The following GANC variants were observed in gnomAD, a reference collection of about 807,000 sequenced individuals.
GANC encodes neutral alpha-glucosidase C.
In GANC, 117 loss-of-function variants were observed where a neutral mutation model predicts 124.2. The ratio of observed to expected loss-of-function variants is 0.94; its 90% CI spans 0.81 to 1.10. The LOEUF is 1.10. Among genes scored for constraint, GANC ranks in the 50% least tolerant of loss-of-function variants. The probability of loss-of-function intolerance (pLI) is 0.00; values close to 1 mark genes in which losing one functional copy is unlikely to be tolerated. For missense variants in GANC, 1,140 were observed against 1,095.0 expected, an observed-to-expected ratio of 1.04 and a Z score of -0.58; for synonymous variants, 377 against 376.8, an observed-to-expected ratio of 1.00 and a Z score of -0.01.
At chr15:42,318,763 A>G (rs1009271383) in intron 10 of GANC, among the ~76,000 whole-genome samples, 6 of 151,942 alleles carry the variant, frequency 3.9e-5, no homozygotes, top group Non-Finnish European at 5.9e-5. Flanking sequence ...TAATTTTTTC[A>G]TTTTTTATAT....
intron 7 of GANC, 39 bp from the exon 8 acceptor site, chr15:42,308,183 T>G (rs772185652): frequency 7.5e-7 from 1 of 1,329,304 alleles, no homozygotes; most frequent in South Asian, 1.3e-5. Flanking sequence ...AAGTGAGTGT[T>G]CTTTTCAGAA....
At chr15:42,292,294 A>G (rs1003797569) in intron 4 of GANC, among the ~76,000 whole-genome samples, 2 of 152,122 alleles carry the variant, frequency 1.3e-5, no homozygotes, top group Non-Finnish European at 2.9e-5. Flanking sequence ...GTTAGATTTT[A>G]CACACCAAAA....
intron 15 of GANC, 36 bp downstream of exon 15, chr15:42,330,708 T>G (rs2052237008): frequency 7.0e-7 from 1 of 1,428,194 alleles, no homozygotes; most frequent in Non-Finnish European, 9.7e-7. Flanking sequence ...AAAAACACAT[T>G]AGCAACTTTT....
chr15:42,284,786 G>A (rs2051770945), intron 3 of GANC, among the ~76,000 whole-genome samples: 1 of 152,156 alleles, frequency 6.6e-6, no homozygotes, highest in African/African-American at 2.4e-5. Flanking sequence ...GGGGCTATAT[G>A]CATGTACCAC....
At chr15:42,307,933 TTA>T (rs1393485248) in intron 7 of GANC, among the ~76,000 whole-genome samples, 1 of 152,198 alleles carries the variant, frequency 6.6e-6, no homozygotes, top group East Asian at 1.9e-4. Context: ...TAATGATGTT[TTA>T]TATAGAGACG....
At chr15:42,295,905 G>A (rs2051887391) in intron 5 of GANC, among the ~76,000 whole-genome samples, 1 of 152,124 alleles carries the variant, frequency 6.6e-6, no homozygotes, top group South Asian at 2.1e-4. Context: ...ACTTTGGGAG[G>A]CTGAGGCAGG....
At chr15:42,278,411 T>G (rs1299915707) in intron 2 of GANC, 71 bp from the exon 3 acceptor site, 3 of 1,027,766 alleles carry the variant, frequency 2.9e-6, no homozygotes, top group Non-Finnish European at 4.4e-6. Flanking sequence ...GACTTCCACA[T>G]GATAATATAG....
At chr15:42,297,945 C>A (rs2051907553) in intron 6 of GANC, among the ~76,000 whole-genome samples, 1 of 152,036 alleles carries the variant, frequency 6.6e-6, no homozygotes, top group Non-Finnish European at 1.5e-5. Context: ...AAAACAAATC[C>A]CAAACATGTT....
At chr15:42,323,202 A>G (rs1209244642) in intron 11 of GANC, among the ~76,000 whole-genome samples, 1 of 152,236 alleles carries the variant, frequency 6.6e-6, no homozygotes, top group African/African-American at 2.4e-5. Flanking sequence ...AATAAATAGC[A>G]TGGCAAGAAT....
intron 23 of GANC, 81 bp downstream of exon 23, chr15:42,351,513 G>C: frequency 1.0e-6 from 1 of 984,240 alleles, no homozygotes; most frequent in South Asian, 1.3e-5. Flanking sequence ...GTCCCCAAAC[G>C]GAGATAATAT....
At chr15:42,343,226 A>G in intron 19 of GANC, 72 bp downstream of exon 19, 8 of 1,334,090 alleles carry the variant, frequency 6.0e-6, no homozygotes, top group Non-Finnish European at 8.6e-6. Flanking sequence ...TAGGAAAGAG[A>G]TTTCTTCATC....
At chr15:42,344,326 G>A (rs2052347924) in intron 19 of GANC, among the ~76,000 whole-genome samples, 1 of 152,176 alleles carries the variant, frequency 6.6e-6, no homozygotes, top group African/African-American at 2.4e-5. Context: ...TCTGGAGGTT[G>A]CCAGCAACCC....
At chr15:42,302,729 C>A (rs1189042835) in intron 6 of GANC, among the ~76,000 whole-genome samples, 1 of 151,842 alleles carries the variant, frequency 6.6e-6, no homozygotes, top group African/African-American at 2.4e-5. Flanking sequence ...AGTAGCCAAA[C>A]TGATCAAGTG....
chr15:42,335,414 A>G (rs1303000792), intron 15 of GANC, among the ~76,000 whole-genome samples: 2 of 152,230 alleles, frequency 1.3e-5, no homozygotes, highest in Non-Finnish European at 2.9e-5. Flanking sequence ...AAAATTCAGC[A>G]TCCCTTCTTG....
intron 3 of GANC, chr15:42,283,891 G>A (rs1353663557): frequency 1.4e-6 from 1 of 702,634 alleles, no homozygotes; most frequent in South Asian, 1.5e-5. Flanking sequence ...TTGGGGAACA[G>A]GCCAGTGCCC....
chr15:42,302,743 G>A (rs2051958466), intron 6 of GANC, among the ~76,000 whole-genome samples: 1 of 152,032 alleles, frequency 6.6e-6, no homozygotes, highest in Non-Finnish European at 1.5e-5. Context: ...TCAAGTGGAA[G>A]AAAGGATATC....
chr15:42,292,685 C>A lies in GANC; in HGVS notation c.330-50C>A, dbSNP rs377626551. The A allele has an allele frequency of 2.7e-5, 41 of 1,535,992 alleles. No homozygotes were observed. The African/African-American group carries it at 4.2e-4, about 16-fold the overall frequency. On this transcript the variant is annotated intron_variant, in intron 4 of 23. Coordinates refer to ENST00000318010, the MANE Select transcript of GANC (RefSeq NM_198141.3). ...ACTTGGAAGTACAAATCACATAGGGCCATGTAAACCTATAGCAGCTTGTTT... is the reference window on the plus strand; with the variant it reads ...ACTTGGAAGTACAAATCACATAGGGACATGTAAACCTATAGCAGCTTGTTT...
chr15:42,313,699 C>G (rs1319426019), intron 10 of GANC: 1 of 192,302 alleles, frequency 5.2e-6, no homozygotes, highest in Non-Finnish European at 1.1e-5. Flanking sequence ...AAAGAGCTTG[C>G]AGGGCTCCTG....
At chr15:42,339,323 C>T (rs1363806902) in intron 16 of GANC, among the ~76,000 whole-genome samples, 1 of 148,674 alleles carries the variant, frequency 6.7e-6, no homozygotes, top group Admixed American at 6.7e-5. Context: ...CACACACACA[C>T]ACACACACAC....
Sources: gnomAD v4.1 joint callset for allele counts (sites outside exome capture counted in the v4.1 genomes callset) on GRCh38, gnomAD v4.1.1 for gene constraint, MANE v1.5 for transcripts, NCBI Gene and HGNC (gene_info 2026-07-23, HGNC 2026-07-21) for gene names.